DDR2: variants seen among roughly 807,000 people sequenced by gnomAD.
DDR2 encodes the protein discoidin domain-containing receptor 2.
Under a neutral mutation model 94.9 loss-of-function variants are expected in DDR2, and 27 were observed. The observed-to-expected ratio is 0.28, with a 90% CI of 0.21 to 0.39. DDR2 has a LOEUF of 0.39. Among genes scored for constraint, DDR2 ranks in the 10% least tolerant of loss-of-function variants. The pLI is 1.00. For missense variants in DDR2, 783 were observed against 1,076.0 expected (o/e 0.73, Z 3.81); for synonymous variants, 382 against 377.2 (o/e 1.01, Z -0.15).
intron 2 of DDR2, among the ~76,000 whole-genome samples, chr1:162,685,339 T>C (rs1203907787): frequency 3.9e-5 from 6 of 152,178 alleles, no homozygotes; most frequent in African/African-American, 1.4e-4. Flanking sequence ...TAAAATACTA[T>C]ACCATATATT....
At chr1:162,682,672 C>T (rs955713224) in intron 2 of DDR2, among the ~76,000 whole-genome samples, 1 of 152,200 alleles carries the variant, frequency 6.6e-6, no homozygotes, top group Non-Finnish European at 1.5e-5. Flanking sequence ...TTCTATTTCT[C>T]TGTGTCTCAG....
chr1:162,707,044 G>C (rs1660695837), intron 2 of DDR2, among the ~76,000 whole-genome samples: 1 of 152,124 alleles, frequency 6.6e-6, no homozygotes, highest in African/African-American at 2.4e-5. Context: ...CCAGACACTT[G>C]GTGCTAATCC....
At chr1:162,739,507 A>C (rs543225664) in intron 3 of DDR2, among the ~76,000 whole-genome samples, 1 of 151,850 alleles carries the variant, frequency 6.6e-6, no homozygotes, top group Non-Finnish European at 1.5e-5. Context: ...GGGTTTTACC[A>C]TGTTGGCCAG....
chr1:162,776,735 GTT>G (rs1275217033), intron 16 of DDR2, among the ~76,000 whole-genome samples: 1 of 152,076 alleles, frequency 6.6e-6, no homozygotes, highest in African/African-American at 2.4e-5. Flanking sequence ...TCATAAGCAT[GTT>G]TCTCATAATT....
rs1365843907 is a variant in DDR2 at position 162,759,987 on chromosome 1, G to A, written c.855+8G>A. On this transcript the variant is annotated splice_region_variant and intron_variant, in intron 8 of 17. Transcript: ENST00000367921. Reference sequence around the variant, plus strand: ...AATTTCACTACCATGAAGGTCAGTGGGGTCGGGTGTGGTGGAACTTCTTTA... The same window carrying A: ...AATTTCACTACCATGAAGGTCAGTGAGGTCGGGTGTGGTGGAACTTCTTTA... 6.2e-7 allele frequency: 1 copy of A among 1,614,064 alleles called. No individual in the cohort carries two copies.
At chr1:162,719,341 TG>T (rs1315439565) in intron 3 of DDR2, 196 bp downstream of exon 3, 1 of 681,898 alleles carries the variant, frequency 1.5e-6, no homozygotes, top group Non-Finnish European at 1.8e-6. Flanking sequence ...ACTTACAACC[TG>T]TTGAATATTG....
At chr1:162,698,545 TG>T (rs1019453884) in intron 2 of DDR2, among the ~76,000 whole-genome samples, 2 of 152,100 alleles carry the variant, frequency 1.3e-5, no homozygotes, top group African/African-American at 4.8e-5. Flanking sequence ...TTCAGGCAAA[TG>T]GGGGGAATCG....
chr1:162,771,024 C>A (rs1362085401), intron 12 of DDR2, among the ~76,000 whole-genome samples: 1 of 152,104 alleles, frequency 6.6e-6, no homozygotes, highest in Non-Finnish European at 1.5e-5. Flanking sequence ...TTGTGAATTT[C>A]TCTTTGGTAA....
intron 4 of DDR2, among the ~76,000 whole-genome samples, chr1:162,754,077 G>T (rs1356442155): frequency 1.3e-5 from 2 of 152,110 alleles, no homozygotes; most frequent in Non-Finnish European, 2.9e-5. Flanking sequence ...TCAGCCTGAA[G>T]GTAATAAAAT....
intron 2 of DDR2, among the ~76,000 whole-genome samples, chr1:162,690,095 A>G (rs1198453912): frequency 1.3e-5 from 2 of 150,816 alleles, no homozygotes; most frequent in Non-Finnish European, 2.9e-5. Flanking sequence ...GCCTTTGTGT[A>G]TTGAGCACGT....
chr1:162,709,923 C>T (rs759557577), intron 2 of DDR2, among the ~76,000 whole-genome samples: 2 of 152,132 alleles, frequency 1.3e-5, no homozygotes, highest in African/African-American at 2.4e-5. Context: ...AAATGCTCTG[C>T]CTTCAGTTTG....
intron 2 of DDR2, among the ~76,000 whole-genome samples, chr1:162,675,819 T>G (rs1479855623): frequency 6.6e-6 from 1 of 152,156 alleles, no homozygotes; most frequent in Non-Finnish European, 1.5e-5. Context: ...TTGGTGGGAA[T>G]GAGACTGAAG....
intron 3 of DDR2, 32 bp from the exon 4 acceptor site, chr1:162,753,063 C>G: frequency 6.4e-7 from 1 of 1,574,500 alleles, no homozygotes; most frequent in Non-Finnish European, 8.7e-7. Flanking sequence ...AAACCATGTC[C>G]TCTCTTTTCT....
intron 2 of DDR2, among the ~76,000 whole-genome samples, chr1:162,699,607 A>G (rs1024824030): frequency 6.6e-6 from 1 of 152,248 alleles, no homozygotes; most frequent in Non-Finnish European, 1.5e-5. Context: ...GGTTGGATAC[A>G]GTTATGCCAT....
At chr1:162,643,726 C>A (rs1381818629) in intron 1 of DDR2, among the ~76,000 whole-genome samples, 1 of 152,196 alleles carries the variant, frequency 6.6e-6, no homozygotes, top group Non-Finnish European at 1.5e-5. Context: ...GGTGATCCAC[C>A]TGCCTCGGCC....
At chr1:162,728,828 T>A (rs572732501) in intron 3 of DDR2, among the ~76,000 whole-genome samples, 94 of 152,148 alleles carry the variant, frequency 6.2e-4, no homozygotes, top group African/African-American at 2.1e-3. Context: ...ACTGTGACAA[T>A]GGAGATCAAG....
At chr1:162,641,848 T>G (rs1276285119) in intron 1 of DDR2, among the ~76,000 whole-genome samples, 1 of 152,238 alleles carries the variant, frequency 6.6e-6, no homozygotes, top group Non-Finnish European at 1.5e-5. Context: ...AGAAATATAC[T>G]AATGTCTTTG....
intron 11 of DDR2, among the ~76,000 whole-genome samples, chr1:162,768,221 A>C (rs564165784): frequency 2.0e-5 from 3 of 152,280 alleles, no homozygotes; most frequent in African/African-American, 7.2e-5. Flanking sequence ...AATATCTATG[A>C]CTTGTCTTGG....
At chr1:162,674,695 A>G (rs1027312376) in intron 2 of DDR2, among the ~76,000 whole-genome samples, 2 of 152,190 alleles carry the variant, frequency 1.3e-5, no homozygotes, top group Non-Finnish European at 2.9e-5. Context: ...TTTGCACCTG[A>G]GTCTTACTTC....
Sources: gnomAD v4.1 joint callset for allele counts (sites outside exome capture counted in the v4.1 genomes callset) on GRCh38, gnomAD v4.1.1 for gene constraint, MANE v1.5 for transcripts, NCBI Gene and HGNC (gene_info 2026-07-23, HGNC 2026-07-21) for gene names.